Variants in TMEM132E observed in about 807,000 individuals in gnomAD.
The protein encoded by TMEM132E is transmembrane protein 132E.
TMEM132E carries 49 observed loss-of-function variants against 78.5 expected under a neutral mutation model. That is an observed-to-expected ratio of 0.62 (90% CI 0.50 to 0.79). The LOEUF is 0.79. Ranked by LOEUF, TMEM132E falls within the 30% of genes least tolerant of loss-of-function variation. TMEM132E has a pLI of 0.00. For missense variants in TMEM132E, 1,403 were observed against 1,470.9 expected (o/e 0.95, Z 0.75); for synonymous variants, 715 against 670.6 (o/e 1.07, Z -1.02).
intron 1 of TMEM132E, among the ~76,000 whole-genome samples, chr17:34,583,856 A>T (rs527860257): frequency 3.9e-5 from 6 of 152,256 alleles, no homozygotes; most frequent in African/African-American, 1.2e-4. Context: ...ATGGAGCCTT[A>T]CTACCTTTTC....
intron 5 of TMEM132E, among the ~76,000 whole-genome samples, chr17:34,631,633 C>T (rs1385853289): frequency 6.6e-6 from 1 of 152,180 alleles, no homozygotes; most frequent in East Asian, 1.9e-4. Context: ...GCTGTCCCAT[C>T]CCTCCACCCA....
rs557169222 is a variant in TMEM132E, at chr17:34,599,419, G to C, written c.67+18276G>C. ...GCTGGTTTATCTGATGGTGGCCTTT[G>C]TGTTGGGGCTTTTAGGGTATACCAA... On this transcript the variant is annotated intron_variant, in intron 1 of 8. Coordinates refer to ENST00000631683, the MANE Select transcript of TMEM132E (RefSeq NM_001304438.2). Among the ~76,000 whole-genome samples, 6 of 152,336 alleles carry C rather than the reference G, an allele frequency of 3.9e-5. No homozygotes were observed. In the South Asian group the frequency reaches 1.2e-3, roughly 32 times the overall value.
Position 34,636,135 on chromosome 17 carries a change from T to G in TMEM132E, c.2106T>G (p.Pro702=). Residue 702 remains proline, a synonymous_variant, in exon 8 of 9, where the codon CCT becomes CCG. Coordinates refer to ENST00000631683, the MANE Select transcript of TMEM132E (RefSeq NM_001304438.2). ...ASLALSLRPS[P]GSSHTILATT... is the part of the protein sequence containing the mutation. ...TGGCCCTCTCCCTGCGGCCCAGCCC[T>G]GGGAGCAGCCACACCATCCTAGCCA... 1 of 1,589,192 alleles carries G rather than the reference T, an allele frequency of 6.3e-7. No homozygotes were observed. The highest frequency in any genetic ancestry group is 8.6e-7 in the Non-Finnish European group (1 of 1,169,024).
At chr17:34,621,969 G>A (rs1906976151) in intron 1 of TMEM132E, among the ~76,000 whole-genome samples, 1 of 152,158 alleles carries the variant, frequency 6.6e-6, no homozygotes, top group Non-Finnish European at 1.5e-5. Context: ...CAGTTTCTGT[G>A]TTGATCAGCC....
chr17:34,615,200 TG>T (rs1906737351), intron 1 of TMEM132E, among the ~76,000 whole-genome samples: 1 of 150,434 alleles, frequency 6.6e-6, no homozygotes, highest in Non-Finnish European at 1.5e-5. Flanking sequence ...GGCAGCTTCT[TG>T]GGGTCTCATG....
intron 1 of TMEM132E, among the ~76,000 whole-genome samples, chr17:34,603,690 G>A (rs575788831): frequency 6.6e-6 from 1 of 152,246 alleles, no homozygotes; most frequent in Non-Finnish European, 1.5e-5. Context: ...TTCCCCCTGG[G>A]TGTTCCTGTC....
In TMEM132E at chr17:34,634,747, G is replaced by A. The variant is rs1319053498; in HGVS notation, c.1689-52G>A. 3 of 1,551,748 alleles carry A rather than the reference G, an allele frequency of 1.9e-6. No homozygotes were observed. The Admixed American group carries it at 5.7e-5, about 30-fold the overall frequency. ...GGCAAGGGTGCGGGGTGTGTACTGT[G>A]CAGGTCAGAGTCCAGGTGAGAAGCC... On this transcript the variant is annotated intron_variant, in intron 6 of 8. Transcript: ENST00000631683.
Position 34,636,185 on chromosome 17 carries a change from G to A in TMEM132E, c.2156G>A (p.Ser719Asn). ...ACCACAGCTGCCCAACAGACCTTGA[G>A]CTTCCTCAAGCAGGTAACTGGCTCC... ...LATTAAQQTL[S>N]FLKQEALLSL... Residue 719 changes from serine (S) to asparagine (N), a missense_variant, in exon 8 of 9, where the codon AGC (serine) becomes AAC (asparagine). This residue lies in a region of TMEM132E where 888 missense variants were observed against 952.8 expected (regional missense o/e 0.93). Transcript: ENST00000631683. 1 of 1,504,820 alleles carries A rather than the reference G, an allele frequency of 6.6e-7. No homozygotes were observed. Among genetic ancestry groups the A allele is most frequent in the Non-Finnish European group, 8.9e-7 (1 of 1,126,376 alleles). The allele number at this position is 1,504,820 out of a possible 1,614,324, so 93.2% of individuals were successfully genotyped here.
Position 34,634,875 on chromosome 17 carries a change from C to A in TMEM132E, c.1765C>A (p.Gln589Lys). The A allele has an allele frequency of 6.2e-7, 1 of 1,614,148 alleles. No homozygotes were observed. Among genetic ancestry groups the A allele is most frequent in the African/African-American group, 1.3e-5 (1 of 75,040 alleles). ...RQSASRGCTL[Q>K]YQHATLQVFT... ...GAGTGCAAGCCGTGGCTGCACCCTG[C>A]AGTACCAGCATGCCACCCTGCAGGT... Residue 589 changes from glutamine to lysine, a missense_variant, in exon 7 of 9, where the codon CAG becomes AAG. Around this residue, in one of 3 missense-constraint regions of TMEM132E, gnomAD observed 888 missense variants for 952.8 expected, o/e 0.93. Transcript: ENST00000631683.
chr17:34,627,225 C>G (rs542970949), intron 2 of TMEM132E, among the ~76,000 whole-genome samples, 168 bp downstream of exon 2: 105 of 152,332 alleles, frequency 6.9e-4, no homozygotes, highest in African/African-American at 2.4e-3. Context: ...GAAGATACCT[C>G]GCTTATTGGA....
intron 1 of TMEM132E, among the ~76,000 whole-genome samples, chr17:34,621,283 G>A (rs975109541): frequency 2.6e-5 from 4 of 152,162 alleles, no homozygotes; most frequent in Admixed American, 2.6e-4. Flanking sequence ...GGTGTCAGCA[G>A]GATTGATTTC....
At chr17:34,615,517 ATGTGTGTGTGTGTGTG>A (rs3048841) in intron 1 of TMEM132E, among the ~76,000 whole-genome samples, 2 of 140,770 alleles carry the variant, frequency 1.4e-5, no homozygotes, top group African/African-American at 5.3e-5. Context: ...ACTGGCACAG[ATGTGTGTGTGTGTGTG>A]TGTGTGTGTG....
intron 1 of TMEM132E, among the ~76,000 whole-genome samples, chr17:34,613,211 A>ACACACACACGCGCGCGCG: frequency 6.4e-4 from 74 of 115,956 alleles, no homozygotes; most frequent in Admixed American, 1.5e-3. Context: ...ACACACACAC[A>ACACACACACGCGCGCGCG]CGCGCGCGCG....
chr17:34,636,352 TG>T (rs1384163561), intron 8 of TMEM132E, among the ~76,000 whole-genome samples, 154 bp downstream of exon 8: 1 of 152,160 alleles, frequency 6.6e-6, no homozygotes, highest in Non-Finnish European at 1.5e-5. Flanking sequence ...GCCCACCCTA[TG>T]GCCACAACAT....
intron 6 of TMEM132E, among the ~76,000 whole-genome samples, chr17:34,633,851 G>A (rs982498897): frequency 1.3e-5 from 2 of 152,312 alleles, no homozygotes; most frequent in East Asian, 1.9e-4. Flanking sequence ...GGGTGATAGC[G>A]ATACTGCTTT....
chr17:34,616,491 T>G (rs1213292021), intron 1 of TMEM132E, among the ~76,000 whole-genome samples: 2 of 152,184 alleles, frequency 1.3e-5, no homozygotes, highest in Non-Finnish European at 2.9e-5. Flanking sequence ...CGGCTACATG[T>G]CCTTGCTCTG....
intron 1 of TMEM132E, among the ~76,000 whole-genome samples, chr17:34,596,927 G>A (rs376241525): frequency 4.0e-5 from 6 of 148,224 alleles, no homozygotes; most frequent in Admixed American, 2.0e-4. Context: ...CCGGAATCTC[G>A]ATGGCTCTCC....
intron 1 of TMEM132E, among the ~76,000 whole-genome samples, chr17:34,586,429 G>A (rs1446463169): frequency 6.6e-6 from 1 of 152,072 alleles, no homozygotes. Flanking sequence ...GGATGGGACA[G>A]TGTATCACAG....
At chr17:34,600,227 G>A (rs984335620) in intron 1 of TMEM132E, among the ~76,000 whole-genome samples, 2 of 152,118 alleles carry the variant, frequency 1.3e-5, no homozygotes, top group African/African-American at 2.4e-5. Context: ...AATAAATATT[G>A]ACTGAAGGAA....
Sources: allele counts gnomAD v4.1 joint callset (sites outside exome capture counted in the v4.1 genomes callset), GRCh38; gene constraint gnomAD v4.1.1; regional missense constraint gnomAD v4.1.1; transcripts MANE v1.5; gene names NCBI Gene and HGNC (gene_info 2026-07-23, HGNC 2026-07-21).